The following TPR variants were observed in gnomAD, a reference collection of about 807,000 sequenced individuals.
TPR encodes translocated promoter region, nuclear basket protein.
TPR carries 51 observed loss-of-function variants against 316.1 expected under a neutral mutation model. The observed-to-expected ratio is 0.16, with a 90% CI of 0.13 to 0.20. The LOEUF is 0.20. TPR is among the 10% of genes least tolerant of loss of function. The pLI is 1.00. For synonymous variants in TPR, 981 were observed against 914.7 expected (o/e 1.07, Z -1.31); for missense variants, 2,272 against 2,754.8 (o/e 0.82, Z 3.92).
chr1:186,335,659 G>T, intron 33 of TPR, 116 bp from the exon 34 acceptor site: 1 of 710,426 alleles, frequency 1.4e-6, no homozygotes, highest in Non-Finnish European at 2.2e-6. Context: ...ATCTACATTA[G>T]TTATGATACA....
Position 186,312,741 on chromosome 1 carries a change from T to G in TPR, c.*1230A>C, listed in dbSNP as rs1227036589. The G allele has an allele frequency of 6.2e-7, 1 of 1,608,278 alleles. No homozygotes were observed. Among genetic ancestry groups the G allele is most frequent in the Non-Finnish European group, 8.5e-7 (1 of 1,174,848 alleles). On this transcript the variant is annotated 3_prime_UTR_variant, in exon 51 of 51. Transcript: ENST00000367478. ...GATAGTACATTGCCTTTTAATCTGGTATCTTTTATTAAACATGCCACTTAC... is the reference window on the plus strand; with the variant it reads ...GATAGTACATTGCCTTTTAATCTGGGATCTTTTATTAAACATGCCACTTAC...
At chr1:186,368,049 TG>T in intron 3 of TPR, 67 bp from the exon 4 acceptor site, 1 of 1,177,706 alleles carries the variant, frequency 8.5e-7, no homozygotes, top group African/African-American at 1.5e-5. Flanking sequence ...AACATAGAAT[TG>T]TCACTTTAGT....
chr1:186,314,724 T>G lies in TPR; in HGVS notation c.6941A>C (p.Asp2314Ala), dbSNP rs1657539876. Residue 2314 changes from aspartate (D) to alanine (A), a missense_variant and splice_region_variant, in exon 50 of 51, where the codon GAT becomes GCT. Physicochemically the swap from Asp to Ala is moderately radical, Grantham distance 126. Around this residue, in one of 10 missense-constraint regions of TPR, gnomAD observed 123 missense variants for 142.3 expected, o/e 0.86. Transcript: ENST00000367478. ...SQDPPSSSSV[D>A]TSSSQPKPFR... is the part of the protein sequence containing the mutation. ...AGGCTTTGGTTGACTACTACTAGTA[T>G]CTAAGAAAAACATTAAGATAAAAGA... The G allele has an allele frequency of 6.2e-7, 1 of 1,600,694 alleles. No individual in the cohort carries two copies.
chr1:186,333,033 A>G, intron 37 of TPR, 89 bp downstream of exon 37: 5 of 1,445,570 alleles, frequency 3.5e-6, no homozygotes, highest in Admixed American at 2.3e-5. Flanking sequence ...ATTTGTACAA[A>G]GAATACTCAA....
At chr1:186,368,314 T>G (rs1213148320) in intron 3 of TPR, among the ~76,000 whole-genome samples, 1 of 152,138 alleles carries the variant, frequency 6.6e-6, no homozygotes, top group African/African-American at 2.4e-5. Context: ...ACTTAAAACT[T>G]TTAATATATT....
intron 21 of TPR, 112 bp from the exon 22 acceptor site, chr1:186,347,570 A>T: frequency 8.6e-7 from 1 of 1,169,074 alleles, no homozygotes; most frequent in Non-Finnish European, 1.2e-6. Flanking sequence ...TATATTTAGA[A>T]AGTATATTTC....
At chr1:186,332,127 C>T in intron 38 of TPR, 68 bp downstream of exon 38, 1 of 1,499,124 alleles carries the variant, frequency 6.7e-7, no homozygotes, top group Non-Finnish European at 8.9e-7. Context: ...TTTCTTTAGG[C>T]TGTAGCTGAA....
In TPR at chr1:186,334,315, T is replaced by C. The variant is rs747426284; in HGVS notation, c.5182+10A>G. On this transcript the variant is annotated intron_variant, in intron 36 of 50. Transcript: ENST00000367478. Reference sequence around the variant, plus strand: ...AAGCAGTCTCATCAGATCTGTATTATTTTACTAACCTTCCTGTGATTCCAC... The same window carrying C: ...AAGCAGTCTCATCAGATCTGTATTACTTTACTAACCTTCCTGTGATTCCAC... The C allele has an allele frequency of 6.1e-5, 98 of 1,607,320 alleles. No homozygotes were observed. Among genetic ancestry groups the C allele is most frequent in the Non-Finnish European group, 7.7e-5 (90 of 1,176,094 alleles).
chr1:186,347,445 G>A lies in TPR; in HGVS notation c.2790C>T (p.Asn930=), dbSNP rs1658716881. ...TCACAAGATCATCCACATCTTCTTT[G>A]TTGCTAGGCTGACCTAAAAGACATA... ...SQRTGKGQPS[N]KEDVDDLVSQ... Residue 930 remains asparagine, a synonymous_variant, in exon 22 of 51, where the codon AAC becomes AAT. Coordinates refer to ENST00000367478, the MANE Select transcript of TPR (RefSeq NM_003292.3). The A allele has an allele frequency of 6.2e-7, 1 of 1,613,566 alleles. No individual in the cohort carries two copies. Among genetic ancestry groups the A allele is most frequent in the Admixed American group, 1.7e-5 (1 of 59,980 alleles).
At chr1:186,344,215 G>T in intron 25 of TPR, 125 bp from the exon 26 acceptor site, 1 of 1,375,804 alleles carries the variant, frequency 7.3e-7, no homozygotes, top group Non-Finnish European at 9.8e-7. Context: ...CAGGAGAATT[G>T]CTTGAACCCA....
chr1:186,353,635 G>T (rs1658938712), intron 18 of TPR, 53 bp downstream of exon 18: 3 of 1,571,706 alleles, frequency 1.9e-6, no homozygotes, highest in South Asian at 2.4e-5. Flanking sequence ...AAAAACTAAA[G>T]AAATGTCAAA....
intron 2 of TPR, among the ~76,000 whole-genome samples, chr1:186,372,734 T>A (rs1659573558): frequency 6.6e-6 from 1 of 152,074 alleles, no homozygotes; most frequent in Non-Finnish European, 1.5e-5. Context: ...GCACAAGACA[T>A]ATCATCCTCC....
chr1:186,355,669 G>T lies in TPR; in HGVS notation c.1988C>A (p.Thr663Lys). 5 of 1,614,104 alleles carry T rather than the reference G, an allele frequency of 3.1e-6. No individual in the cohort carries two copies. The highest frequency in any genetic ancestry group is 4.2e-6 in the Non-Finnish European group (5 of 1,180,006). ...GGCAGCCTTAGCCTCTATAGCCTCT[G>T]TTGATTCAATAACAGGTACTGGAGC... is the stretch of plus-strand genomic sequence containing the variant. ...TPAPVPVIES[T>K]EAIEAKAALK... Residue 663 changes from threonine (T) to lysine (K), a missense_variant, in exon 16 of 51, where the codon ACA becomes AAA. By Grantham distance (78) the Thr-to-Lys change is moderately conservative. This residue lies in a region of TPR where 757 missense variants were observed against 859.8 expected (regional missense o/e 0.88). Coordinates refer to ENST00000367478, the MANE Select transcript of TPR (RefSeq NM_003292.3).
rs1557992975 is a variant in TPR at position 186,327,134 on chromosome 1, AT to A, written c.5889+325del. On this transcript the variant is annotated intron_variant, in intron 40 of 50. Transcript: ENST00000367478. ...ATATATATAAATATATAACATATAT[AT>A]TATATATATAAATATATATAAATAT... Among the ~76,000 whole-genome samples the A allele has an allele frequency of 4.5e-4, 3 of 6,726 alleles. 1 individual carries two copies. The highest frequency in any genetic ancestry group is 2.8e-4 in the Non-Finnish European group (1 of 3,548). The allele number at this position is 6,726 out of a possible 152,430, so 4.4% of individuals were successfully genotyped here.
rs1659132553 is a variant in TPR at position 186,359,868 on chromosome 1, C to A, written c.1320G>T (p.Gln440His). The A allele has an allele frequency of 6.2e-7, 1 of 1,605,052 alleles. No homozygotes were observed. The highest frequency in any genetic ancestry group is 2.2e-5 in the East Asian group (1 of 44,698). The change falls in exon 12 of 51, where the codon CAG becomes CAT. Residue 440 changes from glutamine to histidine, a missense_variant. Gln to His is a conservative substitution (Grantham distance 24). Transcript: ENST00000367478. ...VEAKAPILKR[Q>H]REEYERAQKA... is the part of the protein sequence containing the mutation. ...TCTGTGCACGTTCATATTCCTCACG[C>A]TGGCGTTTCAAAATTGGTGCTTTGG...
chr1:186,332,587 T>C (rs1658199087), intron 37 of TPR, among the ~76,000 whole-genome samples: 1 of 152,158 alleles, frequency 6.6e-6, no homozygotes, highest in African/African-American at 2.4e-5. Context: ...AACCCAAGCT[T>C]TGCTTAATAA....
At chr1:186,366,022 A>C (rs1247586622) in intron 4 of TPR, among the ~76,000 whole-genome samples, 3 of 152,264 alleles carry the variant, frequency 2.0e-5, no homozygotes, top group Non-Finnish European at 4.4e-5. Flanking sequence ...CTGATTACCC[A>C]AGACTGCTTT....
chr1:186,343,989 A>G lies in TPR; in HGVS notation c.3519T>C (p.Ser1173=), dbSNP rs1267711024. Residue 1173 remains serine (S), a synonymous_variant, in exon 26 of 51, where the codon TCT becomes TCC. Transcript: ENST00000367478. ...IEKLSDKVVA[S]VKEGVQGPLN... ...GTGGACCTTGTACACCTTCCTTCACAGAGGCAACGACCTTGTCACTTAATT... is the reference window on the plus strand; with the variant it reads ...GTGGACCTTGTACACCTTCCTTCACGGAGGCAACGACCTTGTCACTTAATT... The G allele has an allele frequency of 4.8e-5, 77 of 1,614,072 alleles. No individual in the cohort carries two copies. Among genetic ancestry groups the G allele is most frequent in the Non-Finnish European group, 6.2e-5 (73 of 1,180,034 alleles).
At position 186,322,742 on chromosome 1, in the gene TPR, C is replaced by CTT. The variant is rs1160174010; in HGVS notation, c.6298-158_6298-157dup. The stretch of plus-strand genomic sequence containing the variant: ...CCCAGGAAAACCTGCCAAGAAATCA[C>CTT]TTTTGTCAATGACAAATTTTTAATT... On this transcript the variant is annotated intron_variant, in intron 43 of 50. Transcript: ENST00000367478. The CTT allele has an allele frequency of 9.4e-5, 65 of 691,908 alleles. No homozygotes were observed. In the East Asian group the frequency reaches 1.5e-3, roughly 16 times the overall value. The allele number at this position is 691,908 out of a possible 1,614,324, so 42.9% of individuals were successfully genotyped here.
Sources: allele counts gnomAD v4.1 joint callset (sites outside exome capture counted in the v4.1 genomes callset), GRCh38; gene constraint gnomAD v4.1.1; regional missense constraint gnomAD v4.1.1; transcripts MANE v1.5; gene names NCBI Gene and HGNC (gene_info 2026-07-23, HGNC 2026-07-21).